Variants in EMSY observed in about 807,000 individuals in gnomAD.
EMSY encodes EMSY transcriptional repressor, BRCA2 interacting, also known as BRCA2-interacting transcriptional repressor EMSY.
In EMSY, 26 loss-of-function variants were observed where a neutral mutation model predicts 134.6. That is an observed-to-expected ratio of 0.19 (90% CI 0.14 to 0.27). The LOEUF (loss-of-function observed/expected upper bound fraction) is 0.27. Ranked by LOEUF, EMSY falls within the 10% of genes least tolerant of loss-of-function variation. The pLI is 1.00. For missense variants in EMSY, 1,305 were observed against 1,611.4 expected, an observed-to-expected ratio of 0.81 and a Z score of 3.26; for synonymous variants, 579 against 577.8, an observed-to-expected ratio of 1.00 and a Z score of -0.03.
chr11:76,461,991 C>T (rs984267166), intron 6 of EMSY, among the ~76,000 whole-genome samples: 3 of 151,914 alleles, frequency 2.0e-5, no homozygotes, highest in Non-Finnish European at 2.9e-5. Flanking sequence ...AATCCCAGCA[C>T]TTTGGGAGGC....
At position 76,525,706 on chromosome 11, in the gene EMSY, T is replaced by G. The variant is rs555299289; in HGVS notation, c.1822-756T>G. 2.0e-4 allele frequency among the ~76,000 whole-genome samples: 31 copies of G among 152,288 alleles called. No individual in the cohort carries two copies. In the South Asian group the frequency reaches 6.2e-3, roughly 31 times the overall value. ...ATGAAAAGTTAATGGATATAAGCTA[T>G]CTAGTTAATAGACTAAAAGGATATT... On this transcript the variant is annotated intron_variant, in intron 12 of 20. Coordinates refer to ENST00000334736, the Ensembl canonical transcript of EMSY.
chr11:76,532,804 T>A lies in EMSY; in HGVS notation c.2195-3091T>A, dbSNP rs149877263. Among the ~76,000 whole-genome samples the A allele has an allele frequency of 7.4e-4, 113 of 152,236 alleles. 1 individual carries two copies. The highest frequency in any genetic ancestry group is 2.6e-3 in the African/African-American group (109 of 41,538). On this transcript the variant is annotated intron_variant, in intron 14 of 20. Coordinates refer to ENST00000334736, the Ensembl canonical transcript of EMSY. The stretch of plus-strand genomic sequence containing the variant: ...TTGTAAAGACATTGCTTTGAGTAAG[T>A]CATAACTCAGTTTCTAGAATGATTT...
At chr11:76,549,760 A>G (rs1036880091) in intron 20 of EMSY, among the ~76,000 whole-genome samples, 192 bp from the exon 22 acceptor site, 6 of 152,166 alleles carry the variant, frequency 3.9e-5, no homozygotes, top group African/African-American at 1.4e-4. Flanking sequence ...TGTCACAGGG[A>G]TTTAGCAGAA....
chr11:76,457,200 A>G (rs1947907891), intron 4 of EMSY, among the ~76,000 whole-genome samples: 1 of 152,208 alleles, frequency 6.6e-6, no homozygotes, highest in Admixed American at 6.5e-5. Flanking sequence ...TTATACTCTT[A>G]TCTAAATCTG....
chr11:76,524,048 TC>T (rs1950755442), intron 12 of EMSY, among the ~76,000 whole-genome samples: 1 of 152,050 alleles, frequency 6.6e-6, no homozygotes, highest in African/African-American at 2.4e-5. Flanking sequence ...AGACCTTGCC[TC>T]AAACAAAAAA....
chr11:76,546,023 T>C (rs1347007439), exon 20 of EMSY: 2 of 1,614,060 alleles, frequency 1.2e-6, no homozygotes, highest in East Asian at 2.2e-5. Context: ...GAACATATGA[T>C]AGTGGATCCC....
chr11:76,541,159 G>C (rs58003764), intron 17 of EMSY, among the ~76,000 whole-genome samples: 20,658 of 152,234 alleles, frequency 0.14, 1,776 homozygotes, highest in East Asian at 0.28. Flanking sequence ...CTGGGAGTCG[G>C]AAGTTGCAGT....
exon 10 of EMSY, chr11:76,513,480 G>A: frequency 1.9e-6 from 3 of 1,613,578 alleles, no homozygotes; most frequent in Non-Finnish European, 1.7e-6. Context: ...CCCCTATTAT[G>A]GTGGTTAGCA....
chr11:76,481,435 C>G (rs1948976278), intron 8 of EMSY, among the ~76,000 whole-genome samples: 1 of 152,268 alleles, frequency 6.6e-6, no homozygotes, highest in East Asian at 1.9e-4. Flanking sequence ...AGCCAGGGAG[C>G]CAGGTGGTCT....
exon 19 of EMSY, chr11:76,544,525 G>A (rs757582847): frequency 1.5e-5 from 24 of 1,613,868 alleles, no homozygotes; most frequent in East Asian, 1.3e-4. Flanking sequence ...ACAAACTCCC[G>A]CAAATGCCCC....
chr11:76,499,106 T>G (rs1235156093), intron 9 of EMSY, among the ~76,000 whole-genome samples: 2 of 150,680 alleles, frequency 1.3e-5, no homozygotes, highest in East Asian at 4.0e-4. Context: ...GGATTACAGG[T>G]GCACACTACC....
exon 2 of EMSY, chr11:76,446,933 G>T (rs1947439422): frequency 6.2e-7 from 1 of 1,612,062 alleles, no homozygotes; most frequent in South Asian, 1.1e-5. Flanking sequence ...CCAAACAGAA[G>T]CAGCAATGCC....
intron 8 of EMSY, among the ~76,000 whole-genome samples, chr11:76,483,051 C>T (rs12360998): frequency 6.6e-6 from 1 of 152,226 alleles, no homozygotes; most frequent in East Asian, 1.9e-4. Context: ...AACAGCGGAT[C>T]TCTCTGCAGA....
intron 17 of EMSY, among the ~76,000 whole-genome samples, chr11:76,541,600 G>A (rs1431288475): frequency 2.0e-5 from 3 of 152,186 alleles, no homozygotes; most frequent in Non-Finnish European, 2.9e-5. Context: ...TCACTTGGCT[G>A]TTTGATGGTA....
At chr11:76,488,273 C>T (rs1397279030) in intron 8 of EMSY, among the ~76,000 whole-genome samples, 1 of 152,142 alleles carries the variant, frequency 6.6e-6, no homozygotes, top group African/African-American at 2.4e-5. Context: ...CAACATCAGC[C>T]TGGGCAACGT....
intron 14 of EMSY, among the ~76,000 whole-genome samples, chr11:76,534,121 T>C (rs1951142441): frequency 6.6e-6 from 1 of 152,126 alleles, no homozygotes; most frequent in Admixed American, 6.5e-5. Context: ...AAATTTGTTT[T>C]CCCTTTTTCC....
chr11:76,475,940 G>C (rs1249397452), intron 8 of EMSY, among the ~76,000 whole-genome samples: 1 of 152,214 alleles, frequency 6.6e-6, no homozygotes, highest in African/African-American at 2.4e-5. Flanking sequence ...TGTAAGTGTA[G>C]TGATGGTCCA....
At chr11:76,523,704 C>CTTTTTTTTTTTTTTTGTTTTTTTTT (rs1950732357) in intron 12 of EMSY, among the ~76,000 whole-genome samples, 1 of 80,536 alleles carries the variant, frequency 1.2e-5, no homozygotes. Context: ...TTGTTACTTT[C>CTTTTTTTTTTTTTTTGTTTTTTTTT]TTTTTTTTTT....
chr11:76,460,803 A>T (rs1948080837), intron 6 of EMSY: 1 of 151,998 alleles, frequency 6.6e-6, no homozygotes, highest in Admixed American at 6.6e-5. Context: ...AACCTGACGA[A>T]ACCTCGTCTC....
Sources: allele counts gnomAD v4.1 joint callset (sites outside exome capture counted in the v4.1 genomes callset), GRCh38; gene constraint gnomAD v4.1.1; transcripts MANE v1.5; gene names NCBI Gene and HGNC (gene_info 2026-07-23, HGNC 2026-07-21).